CSMD1: variants seen among roughly 807,000 people sequenced by gnomAD.
CSMD1 encodes the protein CUB and Sushi multiple domains 1.
Under a neutral mutation model 417.5 loss-of-function variants are expected in CSMD1, and 213 were observed. The ratio of observed to expected loss-of-function variants is 0.51; its 90% CI spans 0.46 to 0.57. The LOEUF (loss-of-function observed/expected upper bound fraction) is 0.57. Ranked by LOEUF, CSMD1 falls within the 20% of genes least tolerant of loss-of-function variation. CSMD1 has a pLI of 0.00. For missense variants in CSMD1, 6,923 were observed against 4,529.7 expected, an observed-to-expected ratio of 1.53 and a Z score of -15.17; for synonymous variants, 2,862 against 1,736.8, an observed-to-expected ratio of 1.65 and a Z score of -16.11.
At chr8:3,925,193 G>A (rs1467597555) in intron 5 of CSMD1, among the ~76,000 whole-genome samples, 1 of 152,180 alleles carries the variant, frequency 6.6e-6, no homozygotes, top group Admixed American at 6.5e-5. Flanking sequence ...AGAAATGTGT[G>A]TGTTTTCAAT....
intron 3 of CSMD1, among the ~76,000 whole-genome samples, chr8:4,290,166 CAG>C (rs1797281904): frequency 6.6e-6 from 1 of 152,128 alleles, no homozygotes; most frequent in Non-Finnish European, 1.5e-5. Flanking sequence ...CCAGGTAAAG[CAG>C]AGTTGCGTGG....
intron 2 of CSMD1, among the ~76,000 whole-genome samples, chr8:4,435,330 G>T (rs188865343): frequency 1.3e-5 from 2 of 152,038 alleles, no homozygotes; most frequent in African/African-American, 2.4e-5. Context: ...TAAAATGCAG[G>T]ATTATGGAGT....
chr8:3,774,910 G>A (rs981026259), intron 5 of CSMD1, among the ~76,000 whole-genome samples: 8 of 152,086 alleles, frequency 5.3e-5, no homozygotes, highest in African/African-American at 1.4e-4. Context: ...TTTCAATATG[G>A]TAACCAAGAA....
chr8:4,746,293 C>T (rs76452063), intron 1 of CSMD1, among the ~76,000 whole-genome samples: 3,963 of 152,238 alleles, frequency 0.026, 87 homozygotes, highest in African/African-American at 0.057. Flanking sequence ...AGCCTGGTGC[C>T]CTTTTTGAAA....
At chr8:4,514,532 C>T (rs1029425456) in intron 2 of CSMD1, among the ~76,000 whole-genome samples, 3 of 152,260 alleles carry the variant, frequency 2.0e-5, no homozygotes, top group African/African-American at 7.2e-5. Flanking sequence ...AGTTAAAGAA[C>T]TCAAAACAAC....
intron 10 of CSMD1, among the ~76,000 whole-genome samples, chr8:3,553,837 G>C (rs1473652988): frequency 6.6e-6 from 1 of 152,130 alleles, no homozygotes; most frequent in Non-Finnish European, 1.5e-5. Flanking sequence ...TATCACTCTT[G>C]AAAAGGACTG....
At chr8:4,504,931 T>C (rs1477570340) in intron 2 of CSMD1, among the ~76,000 whole-genome samples, 1 of 152,224 alleles carries the variant, frequency 6.6e-6, no homozygotes, top group Non-Finnish European at 1.5e-5. Flanking sequence ...TAAACAGTGC[T>C]GCAGTAAACA....
chr8:3,325,175 A>C (rs987243726), intron 23 of CSMD1, among the ~76,000 whole-genome samples: 1 of 152,182 alleles, frequency 6.6e-6, no homozygotes, highest in Non-Finnish European at 1.5e-5. Flanking sequence ...CCCCTTACCC[A>C]GTGTTTTCTT....
intron 3 of CSMD1, among the ~76,000 whole-genome samples, chr8:4,166,624 AG>A (rs1797473172): frequency 6.6e-6 from 1 of 152,140 alleles, no homozygotes; most frequent in Admixed American, 6.5e-5. Flanking sequence ...GGATGGGAGC[AG>A]GGGACAGAAG....
Position 4,419,122 on chromosome 8 carries a change from A to G in CSMD1, c.415+831T>C, listed in dbSNP as rs115113168. On this transcript the variant is annotated intron_variant, in intron 3 of 69. Coordinates refer to ENST00000635120, the MANE Select transcript of CSMD1 (RefSeq NM_033225.6). ...ATAATTTGTGACTTAGTAGCAAATG[A>G]CATCCCAAGTAAACAGTGTGTGTTG... is the stretch of plus-strand genomic sequence containing the variant. Among the ~76,000 whole-genome samples, 624 of 152,308 alleles carry G rather than the reference A, an allele frequency of 4.1e-3. 6 individuals are homozygous for G. Among genetic ancestry groups the G allele is most frequent in the African/African-American group, 0.015 (610 of 41,566 alleles).
chr8:3,832,851 G>A (rs61583102), intron 5 of CSMD1, among the ~76,000 whole-genome samples: 3,084 of 152,158 alleles, frequency 0.02, 106 homozygotes, highest in African/African-American at 0.069. Context: ...ATAGAAACAC[G>A]TAGAAACATC....
chr8:3,207,726 T>C (rs1034875923), intron 30 of CSMD1, among the ~76,000 whole-genome samples: 1 of 152,152 alleles, frequency 6.6e-6, no homozygotes, highest in Non-Finnish European at 1.5e-5. Flanking sequence ...GATCTGTTCA[T>C]CAAAGCTGAC....
At chr8:4,066,091 A>T (rs1029114802) in intron 3 of CSMD1, among the ~76,000 whole-genome samples, 1 of 152,206 alleles carries the variant, frequency 6.6e-6, no homozygotes, top group Non-Finnish European at 1.5e-5. Context: ...AAAACAATGA[A>T]AACAGTTCTG....
intron 3 of CSMD1, among the ~76,000 whole-genome samples, chr8:4,328,959 G>C (rs1023619303): frequency 2.0e-5 from 3 of 152,196 alleles, no homozygotes; most frequent in African/African-American, 7.2e-5. Context: ...AAGTTTAGCA[G>C]AGTATCACTC....
chr8:4,210,658 A>C lies in CSMD1; in HGVS notation c.416-178559T>G, dbSNP rs923442581. 2.4e-4 allele frequency among the ~76,000 whole-genome samples: 37 copies of C among 152,328 alleles called. 1 individual carries two copies. The highest frequency in any genetic ancestry group is 2.1e-4 in the South Asian group (1 of 4,824). On this transcript the variant is annotated intron_variant, in intron 3 of 69. Coordinates refer to ENST00000635120, the MANE Select transcript of CSMD1 (RefSeq NM_033225.6). ...TTATACAATTAGCCAAGAAAAAAAAACACTTATCTGAAGAAAGCCAATTTT... is the reference window on the plus strand; with the variant it reads ...TTATACAATTAGCCAAGAAAAAAAACCACTTATCTGAAGAAAGCCAATTTT...
intron 3 of CSMD1, among the ~76,000 whole-genome samples, chr8:4,203,651 G>C (rs1260553380): frequency 1.3e-5 from 2 of 152,186 alleles, no homozygotes; most frequent in Middle Eastern, 3.4e-3. Context: ...ACACACATTG[G>C]AAGTTGGTTC....
At chr8:4,556,194 T>A (rs1421676095) in intron 2 of CSMD1, among the ~76,000 whole-genome samples, 1 of 152,214 alleles carries the variant, frequency 6.6e-6, no homozygotes, top group African/African-American at 2.4e-5. Flanking sequence ...TACGACAACA[T>A]TTTATTATGG....
chr8:4,989,699 T>G (rs553435533), intron 1 of CSMD1, among the ~76,000 whole-genome samples: 27 of 152,078 alleles, frequency 1.8e-4, no homozygotes, highest in Non-Finnish European at 3.5e-4. Flanking sequence ...AGCAGAAAAA[T>G]TACCAGAGGC....
chr8:3,742,051 C>T (rs974799237), intron 6 of CSMD1, among the ~76,000 whole-genome samples: 1 of 151,572 alleles, frequency 6.6e-6, no homozygotes, highest in East Asian at 1.9e-4. Flanking sequence ...CAGCTTCACA[C>T]TCATTCAGCA....
Sources: allele counts gnomAD v4.1 joint callset (sites outside exome capture counted in the v4.1 genomes callset), GRCh38; gene constraint gnomAD v4.1.1; transcripts MANE v1.5; gene names NCBI Gene and HGNC (gene_info 2026-07-23, HGNC 2026-07-21).